Variants in KALRN observed in about 807,000 individuals in gnomAD.
The protein encoded by KALRN is kalirin.
In KALRN, 70 loss-of-function variants were observed where a neutral mutation model predicts 353.7. That is an observed-to-expected ratio of 0.20 (90% CI 0.16 to 0.24). KALRN has a LOEUF of 0.24. KALRN is among the 10% of genes least tolerant of loss of function. KALRN has a pLI of 1.00. For synonymous variants in KALRN, 1,391 were observed against 1,434.8 expected (o/e 0.97, Z 0.69); for missense variants, 2,791 against 3,756.7 (o/e 0.74, Z 6.72).
At chr3:124,697,941 C>T (rs2062131782) in intron 55 of KALRN, among the ~76,000 whole-genome samples, 1 of 152,070 alleles carries the variant, frequency 6.6e-6, no homozygotes, top group Non-Finnish European at 1.5e-5. Flanking sequence ...GGATTACAGG[C>T]ATGAGCCACT....
Position 124,694,361 on chromosome 3 carries a change from G to A in KALRN, c.7435G>A (p.Asp2479Asn). The A allele has an allele frequency of 6.2e-7, 1 of 1,614,184 alleles. No individual in the cohort carries two copies. Among genetic ancestry groups the A allele is most frequent in the Non-Finnish European group, 8.5e-7 (1 of 1,180,030 alleles). The stretch of plus-strand genomic sequence containing the variant: ...CCCAGAATTCCTTGTGCCCTTGGTG[G>A]ATGTGACCTGCTTGCTTGGGGACAC... ...VAPEFLVPLVDVTCLLGDTVI... is the reference protein window; with the variant it reads ...VAPEFLVPLVNVTCLLGDTVI... The change falls in exon 53 of 60, where the codon GAT (aspartate) becomes AAT (asparagine). Residue 2479 changes from aspartate (D) to asparagine (N), a missense_variant. This residue lies in a region of KALRN where 1,065 missense variants were observed against 1,156.4 expected (regional missense o/e 0.92). Coordinates refer to ENST00000682506, the MANE Select transcript of KALRN (RefSeq NM_001388419.1).
chr3:124,654,048 A>G (rs900460611), intron 38 of KALRN, among the ~76,000 whole-genome samples: 4 of 152,230 alleles, frequency 2.6e-5, no homozygotes, highest in Non-Finnish European at 5.9e-5. Flanking sequence ...ATAGCTTAGG[A>G]TAAAAATATC....
intron 26 of KALRN, among the ~76,000 whole-genome samples, chr3:124,476,671 T>C (rs1278313399): frequency 6.6e-6 from 1 of 152,180 alleles, no homozygotes; most frequent in Non-Finnish European, 1.5e-5. Context: ...AGCAACAATC[T>C]AGTTAGGAAC....
intron 6 of KALRN, among the ~76,000 whole-genome samples, chr3:124,309,105 A>T (rs1299062511): frequency 6.6e-6 from 1 of 152,192 alleles, no homozygotes; most frequent in Non-Finnish European, 1.5e-5. Context: ...GAAGAAATAG[A>T]TAATCTGAAT....
In KALRN at chr3:124,604,051, C is replaced by T. The variant is rs542408493; in HGVS notation, c.5183-28369C>T. Among the ~76,000 whole-genome samples, 3 of 152,138 alleles carry T rather than the reference C, an allele frequency of 2.0e-5. No homozygotes were observed. The South Asian group carries it at 6.2e-4, about 32-fold the overall frequency. On this transcript the variant is annotated intron_variant, in intron 34 of 59. Coordinates refer to ENST00000682506, the MANE Select transcript of KALRN (RefSeq NM_001388419.1). ...ATTCTATCACCGAGAGATCCCTTCT[C>T]TGAAACAGTTGGGGTGAAACATGGG... is the stretch of plus-strand genomic sequence containing the variant.
chr3:124,719,504 T>G lies in KALRN; in HGVS notation c.*34T>G, dbSNP rs2150848460. On this transcript the variant is annotated 3_prime_UTR_variant, in exon 60 of 60. Coordinates refer to ENST00000682506, the MANE Select transcript of KALRN (RefSeq NM_001388419.1). This position sits in a 1 kb window ranked among gnomAD's most constrained non-coding sequence, Gnocchi z 5.3. ...CAGCCCCTATGGTTTCACATAGACGTGCAGTGTGAACCAAAGCAAGACTGA... is the reference window on the plus strand; with the variant it reads ...CAGCCCCTATGGTTTCACATAGACGGGCAGTGTGAACCAAAGCAAGACTGA... 1.3e-6 allele frequency: 2 copies of G among 1,577,318 alleles called. No individual in the cohort carries two copies. Among genetic ancestry groups the G allele is most frequent in the Middle Eastern group, 3.4e-4 (2 of 5,868 alleles).
chr3:124,632,425 T>C lies in KALRN; in HGVS notation c.5188T>C (p.Tyr1730His), dbSNP rs1470478157. Reference protein sequence around the residue: ...DCFFPLVKDAYSHSSSENGGK... With the variant: ...DCFFPLVKDAHSHSSSENGGK... ...TGTCTGTCCGTTTTCCTCAGATGCA[T>C]ACTCTCATTCCTCAAGCGAGAATGG... Residue 1730 changes from tyrosine to histidine, a missense_variant, in exon 35 of 60, where the codon TAC becomes CAC. By Grantham distance (83) the Tyr-to-His change is moderately conservative. This residue lies in a region of KALRN where 1,065 missense variants were observed against 1,156.4 expected (regional missense o/e 0.92). Coordinates refer to ENST00000682506, the MANE Select transcript of KALRN (RefSeq NM_001388419.1). 6.2e-7 allele frequency: 1 copy of C among 1,613,706 alleles called. No homozygotes were observed. The highest frequency in any genetic ancestry group is 8.5e-7 in the Non-Finnish European group (1 of 1,179,830).
chr3:124,123,252 G>C (rs956465651), intron 1 of KALRN, among the ~76,000 whole-genome samples: 1 of 150,640 alleles, frequency 6.6e-6, no homozygotes, highest in Admixed American at 6.6e-5. Flanking sequence ...TGTTAGCCAA[G>C]TTGTGAATGC....
At chr3:124,092,266 G>A (rs1173894183) in intron 1 of KALRN, among the ~76,000 whole-genome samples, 2 of 152,224 alleles carry the variant, frequency 1.3e-5, no homozygotes, top group Non-Finnish European at 2.9e-5. Flanking sequence ...AATGAGGCTT[G>A]TAGCACTAGC....
At chr3:124,370,925 C>T (rs186338451) in intron 10 of KALRN, among the ~76,000 whole-genome samples, 6 of 152,282 alleles carry the variant, frequency 3.9e-5, no homozygotes, top group East Asian at 1.9e-4. Flanking sequence ...TCTGCTGCTG[C>T]GGGCTTCATC....
chr3:124,550,450 A>G (rs768876806), intron 33 of KALRN, among the ~76,000 whole-genome samples: 5 of 152,082 alleles, frequency 3.3e-5, no homozygotes, highest in Non-Finnish European at 7.3e-5. Flanking sequence ...GGAAACATGT[A>G]TTGGGCCCCC....
At chr3:124,418,648 T>G (rs1318106725) in intron 14 of KALRN, among the ~76,000 whole-genome samples, 1 of 151,152 alleles carries the variant, frequency 6.6e-6, no homozygotes. Flanking sequence ...CAGTCACCTC[T>G]CTCCTTGAGG....
At chr3:124,686,299 CCAA>C (rs966098691) in intron 51 of KALRN, among the ~76,000 whole-genome samples, 3 of 152,182 alleles carry the variant, frequency 2.0e-5, no homozygotes, top group Non-Finnish European at 2.9e-5. Flanking sequence ...TGCTGAGCTC[CCAA>C]CAACATCATC....
At chr3:124,666,356 C>G (rs151099025) in intron 45 of KALRN, 93 bp from the exon 46 acceptor site, 1 of 1,143,662 alleles carries the variant, frequency 8.7e-7, no homozygotes, top group South Asian at 1.4e-5. Flanking sequence ...ATCTGTTGCC[C>G]GTATCCCCAG....
At chr3:124,152,473 A>G in intron 1 of KALRN, 3 of 1,185,856 alleles carry the variant, frequency 2.5e-6, no homozygotes, top group Non-Finnish European at 3.7e-6. Flanking sequence ...TTTTCTTGCC[A>G]TCCTGGCCAT....
At chr3:124,360,003 A>G (rs1005018617) in intron 10 of KALRN, among the ~76,000 whole-genome samples, 1 of 152,260 alleles carries the variant, frequency 6.6e-6, no homozygotes, top group African/African-American at 2.4e-5. Flanking sequence ...TGGGTGCCTT[A>G]TTTGACCAGT....
chr3:124,065,116 A>G (rs1052936490), intron 1 of KALRN, among the ~76,000 whole-genome samples: 2 of 152,156 alleles, frequency 1.3e-5, no homozygotes, highest in African/African-American at 4.8e-5. Context: ...CTAGATTTAT[A>G]CCAGAATTGA....
intron 7 of KALRN, among the ~76,000 whole-genome samples, 196 bp downstream of exon 7, chr3:124,326,367 A>T (rs2079913460): frequency 6.6e-6 from 1 of 152,194 alleles, no homozygotes; most frequent in Admixed American, 6.5e-5. Context: ...ACAAAGAAAC[A>T]TTGGTAACTC....
chr3:124,223,051 CTTT>C (rs527853238), intron 1 of KALRN, among the ~76,000 whole-genome samples: 2 of 140,016 alleles, frequency 1.4e-5, no homozygotes, highest in Admixed American at 7.2e-5. Flanking sequence ...TTAAGAAGCT[CTTT>C]TTTTTTTTTT....
Sources: allele counts gnomAD v4.1 joint callset (sites outside exome capture counted in the v4.1 genomes callset), GRCh38; gene constraint gnomAD v4.1.1; regional missense constraint gnomAD v4.1.1; non-coding constraint Gnocchi (gnomAD v3.1); transcripts MANE v1.5; gene names NCBI Gene and HGNC (gene_info 2026-07-23, HGNC 2026-07-21).